Variants in KLHL18 observed in about 807,000 individuals in gnomAD.
KLHL18 encodes the protein kelch like family member 18, also known as kelch-like protein 18.
A neutral mutation model predicts 58.5 loss-of-function variants in KLHL18; 38 were observed. That is an observed-to-expected ratio of 0.65 (90% CI 0.50 to 0.85). The LOEUF is 0.85. Ranked by LOEUF, KLHL18 falls within the 40% of genes least tolerant of loss-of-function variation. The probability of loss-of-function intolerance (pLI) is 0.00; values close to 1 mark genes in which losing one functional copy is unlikely to be tolerated. For synonymous variants in KLHL18, 303 were observed against 301.9 expected (o/e 1.00, Z -0.04); for missense variants, 624 against 778.4 (o/e 0.80, Z 2.36).
chr3:47,311,485 G>A (rs1703298251), intron 1 of KLHL18, among the ~76,000 whole-genome samples: 2 of 151,950 alleles, frequency 1.3e-5, no homozygotes, highest in African/African-American at 4.8e-5. Flanking sequence ...GAGGTCAGGA[G>A]ATCAAGACCA....
chr3:47,333,759 A>G (rs1181496943), intron 5 of KLHL18, among the ~76,000 whole-genome samples: 1 of 152,208 alleles, frequency 6.6e-6, no homozygotes, highest in Non-Finnish European at 1.5e-5. Context: ...TGTAGGCTTT[A>G]CATCTACGAT....
chr3:47,284,079 A>G (rs149096082), intron 1 of KLHL18, among the ~76,000 whole-genome samples: 116 of 152,150 alleles, frequency 7.6e-4, no homozygotes, highest in African/African-American at 2.6e-3. Context: ...CAAATAATAA[A>G]AAATTGTCTG....
At chr3:47,297,398 CT>C (rs1702919961) in intron 1 of KLHL18, among the ~76,000 whole-genome samples, 1 of 152,192 alleles carries the variant, frequency 6.6e-6, no homozygotes, top group Non-Finnish European at 1.5e-5. Context: ...AAGAATCCCC[CT>C]GACTTCCATT....
intron 1 of KLHL18, among the ~76,000 whole-genome samples, chr3:47,313,352 G>T (rs375890960): frequency 6.6e-6 from 1 of 151,868 alleles, no homozygotes; most frequent in African/African-American, 2.4e-5. Context: ...TAAGTAGCTG[G>T]GACTACAGAC....
chr3:47,329,874 C>T, intron 3 of KLHL18, 77 bp from the exon 4 acceptor site: 1 of 1,316,840 alleles, frequency 7.6e-7, no homozygotes, highest in Non-Finnish European at 1.1e-6. Context: ...TGTGGCTCTA[C>T]CCAGAACCAG....
In KLHL18 at chr3:47,334,316, G is replaced by A. The variant is rs1005623147; in HGVS notation, c.762-367G>A. Among the ~76,000 whole-genome samples, 3 of 152,152 alleles carry A rather than the reference G, an allele frequency of 2.0e-5. No homozygotes were observed. The highest frequency in any genetic ancestry group is 7.2e-5 in the African/African-American group (3 of 41,440). On this transcript the variant is annotated intron_variant, in intron 5 of 9. Coordinates refer to ENST00000232766, the MANE Select transcript of KLHL18 (RefSeq NM_025010.5). This position sits in a 1 kb window ranked among gnomAD's most constrained non-coding sequence, Gnocchi z 4.7. The stretch of plus-strand genomic sequence containing the variant: ...TGGAGATGAGTGGTGATTAATTGCA[G>A]GTTGCAAGCCACGGTGCAGTCGTAG...
intron 1 of KLHL18, among the ~76,000 whole-genome samples, chr3:47,288,870 G>A (rs1702733000): frequency 6.6e-6 from 1 of 152,172 alleles, no homozygotes; most frequent in African/African-American, 2.4e-5. Context: ...GTCCATGGAC[G>A]CTCTCATCCC....
chr3:47,305,867 A>C (rs1247919089), intron 1 of KLHL18, among the ~76,000 whole-genome samples: 1 of 152,040 alleles, frequency 6.6e-6, no homozygotes, highest in South Asian at 2.1e-4. Flanking sequence ...TCAGTTGTCA[A>C]ATTTATGTGT....
Position 47,342,944 on chromosome 3 carries a change from C to T in KLHL18, c.1338+114C>T, listed in dbSNP as rs1576190590. The stretch of plus-strand genomic sequence containing the variant: ...TTGCCACAGCTGAATAAAGTATCAT[C>T]TAGTGAGGTTTCAGGCTATCCACTG... On this transcript the variant is annotated intron_variant, in intron 9 of 9. Transcript: ENST00000232766. The T allele has an allele frequency of 1.2e-5, 9 of 760,296 alleles. No individual in the cohort carries two copies. The East Asian group carries it at 2.1e-4, about 18-fold the overall frequency. 47.1% of individuals were successfully genotyped at this position (760,296 alleles called of 1,614,324 possible).
intron 1 of KLHL18, among the ~76,000 whole-genome samples, chr3:47,304,869 C>G (rs561748786): frequency 4.6e-5 from 7 of 151,666 alleles, no homozygotes; most frequent in African/African-American, 1.7e-4. Context: ...ACAAAAAATA[C>G]AAAAATTAGC....
At chr3:47,290,337 C>G (rs1702765373) in intron 1 of KLHL18, among the ~76,000 whole-genome samples, 1 of 152,186 alleles carries the variant, frequency 6.6e-6, no homozygotes, top group South Asian at 2.1e-4. Context: ...GAATTCTTGA[C>G]TCTGATTTTG....
rs576852311 is a variant in KLHL18, at chr3:47,308,756, A to C, written c.130-10897A>C. Among the ~76,000 whole-genome samples the C allele has an allele frequency of 6.1e-4, 91 of 149,390 alleles. 1 individual carries two copies. The South Asian group carries it at 0.018, about 30-fold the overall frequency. ...CTCCCTCCCTCCTCTCATCGTCCTC[A>C]GTGTCTATTGTTGCCATCTTTTTTT... On this transcript the variant is annotated intron_variant, in intron 1 of 9. Transcript: ENST00000232766.
At chr3:47,319,506 C>T (rs1559496967) in intron 1 of KLHL18, 147 bp from the exon 2 acceptor site, 4 of 723,768 alleles carry the variant, frequency 5.5e-6, no homozygotes, top group Non-Finnish European at 6.9e-6. Flanking sequence ...GCCTTGGCCT[C>T]CATGCCCTGG....
chr3:47,333,752 A>G (rs749717256), intron 5 of KLHL18, among the ~76,000 whole-genome samples: 4 of 152,228 alleles, frequency 2.6e-5, no homozygotes, highest in Non-Finnish European at 5.9e-5. Flanking sequence ...TGCCAGGTGT[A>G]GGCTTTACAT....
chr3:47,317,931 C>T (rs1703493617), intron 1 of KLHL18, among the ~76,000 whole-genome samples: 1 of 152,166 alleles, frequency 6.6e-6, no homozygotes, highest in South Asian at 2.1e-4. Flanking sequence ...TGCAGTGGCA[C>T]GATCTTGGCT....
chr3:47,294,991 C>T (rs568756009), intron 1 of KLHL18, among the ~76,000 whole-genome samples: 6 of 152,214 alleles, frequency 3.9e-5, no homozygotes, highest in Admixed American at 2.6e-4. Context: ...AGCAGAGCTG[C>T]TCAGCTCTTG....
chr3:47,307,239 T>C (rs1310448790), intron 1 of KLHL18, among the ~76,000 whole-genome samples: 2 of 152,072 alleles, frequency 1.3e-5, no homozygotes, highest in Admixed American at 6.6e-5. Context: ...ACGTGGCTAA[T>C]TTTTTATATT....
chr3:47,283,160 G>C, intron 1 of KLHL18, 66 bp downstream of exon 1: 1 of 1,459,632 alleles, frequency 6.9e-7, no homozygotes, highest in Middle Eastern at 1.7e-4. Context: ...AAAGGGGCGG[G>C]GGACAGAGAA....
chr3:47,308,743 T>A (rs938250285), intron 1 of KLHL18, among the ~76,000 whole-genome samples: 1 of 151,654 alleles, frequency 6.6e-6, no homozygotes, highest in Admixed American at 6.6e-5. Flanking sequence ...CCCTCCCTCC[T>A]CTCATCGTCC....
Sources: allele counts gnomAD v4.1 joint callset (sites outside exome capture counted in the v4.1 genomes callset), GRCh38; gene constraint gnomAD v4.1.1; non-coding constraint Gnocchi (gnomAD v3.1); transcripts MANE v1.5; gene names NCBI Gene and HGNC (gene_info 2026-07-23, HGNC 2026-07-21).